Variants in ACSM2A observed in about 807,000 individuals in gnomAD.
The protein encoded by ACSM2A is acyl-coenzyme A synthetase ACSM2A, mitochondrial.
In ACSM2A, 72 loss-of-function variants were observed where a neutral mutation model predicts 76.6. The ratio of observed to expected loss-of-function variants is 0.94; its 90% confidence interval spans 0.78 to 1.14. The LOEUF is 1.14. Among genes scored for constraint, ACSM2A ranks in the 50% most tolerant of loss-of-function variants. ACSM2A has a pLI of 0.00. For missense variants in ACSM2A, 684 were observed against 708.5 expected (o/e 0.97, Z 0.39); for synonymous variants, 249 against 255.9 (o/e 0.97, Z 0.26).
At chr16:20,453,834 C>T (rs374993885) in intron 1 of ACSM2A, 2 of 130,198 alleles carry the variant, frequency 1.5e-5, no homozygotes, top group Admixed American at 7.5e-5. Flanking sequence ...GAGATAAGGA[C>T]TGAAATACGC....
In ACSM2A at chr16:20,467,109, A is replaced by G. The variant is rs572080363; in HGVS notation, c.388+1382A>G. Among the ~76,000 whole-genome samples the G allele has an allele frequency of 6.9e-4, 105 of 152,352 alleles. 1 individual carries two copies. Among genetic ancestry groups the G allele is most frequent in the African/African-American group, 2.5e-3 (102 of 41,570 alleles). On this transcript the variant is annotated intron_variant, in intron 3 of 13. Coordinates refer to ENST00000573854, the MANE Select transcript of ACSM2A (RefSeq NM_001308172.2). ...GCTATGTCAGATTTCCCTCAGTGTC[A>G]TAATTTTTCCAAAGGCAGTTTCAAA...
Position 20,451,616 on chromosome 16 carries a change from G to GTT in ACSM2A, c.-74_-73insTT, listed in dbSNP as rs2011745796. ...CTTCCAAGGCTGTAGGAGTTCTGGA[G>GTT]CTGCTGGCTGGAGAGGAGGGTGGAC... On this transcript the variant is annotated 5_prime_UTR_variant, in exon 1 of 14. Coordinates refer to ENST00000573854, the MANE Select transcript of ACSM2A (RefSeq NM_001308172.2). The GTT allele has an allele frequency of 2.0e-5, 3 of 152,420 alleles. No individual in the cohort carries two copies. In the Admixed American group the frequency reaches 2.0e-4, roughly 10 times the overall value. 9.4% of individuals were successfully genotyped at this position (152,420 alleles called of 1,614,324 possible).
chr16:20,469,753 C>T (rs770825618), intron 4 of ACSM2A, 34 bp downstream of exon 4: 11 of 1,609,928 alleles, frequency 6.8e-6, no homozygotes, highest in Admixed American at 3.3e-5. Context: ...TGGGTTTTAA[C>T]TAAAACTGGA....
chr16:20,455,056 C>A (rs1345951884), intron 1 of ACSM2A, among the ~76,000 whole-genome samples: 2 of 135,774 alleles, frequency 1.5e-5, no homozygotes, highest in East Asian at 5.8e-4. Context: ...AACTTCAGAG[C>A]TTGAAGACAA....
At chr16:20,453,052 T>A (rs2011880695) in intron 1 of ACSM2A, among the ~76,000 whole-genome samples, 1 of 152,002 alleles carries the variant, frequency 6.6e-6, no homozygotes, top group Admixed American at 6.6e-5. Flanking sequence ...ATACTGAGCC[T>A]CAAATCTGCC....
chr16:20,486,492 C>T lies in ACSM2A; in HGVS notation c.1630-82C>T, dbSNP rs185507964. On this transcript the variant is annotated intron_variant, in intron 13 of 13. Coordinates refer to ENST00000573854, the MANE Select transcript of ACSM2A (RefSeq NM_001308172.2). ...AAGTGGCTCCAGCCTGAAGAACTTC[C>T]CCTCACCCTACAGCAGTTCTGAAAA... 6 of 1,496,004 alleles carry T rather than the reference C, an allele frequency of 4.0e-6. No individual in the cohort carries two copies. In the African/African-American group the frequency reaches 6.9e-5, roughly 17 times the overall value. The allele number at this position is 1,496,004 out of a possible 1,614,324, so 92.7% of individuals were successfully genotyped here. A position where few individuals can be genotyped will look rare whatever the true frequency, so the allele number is the denominator to read the frequency against.
rs530261996 is a variant in ACSM2A at position 20,464,811 on chromosome 16, G to A, written c.178-706G>A. ...AGGGGATGACGGGTGATTGTGTAAC[G>A]GGGACAGAGTTTTCATTTTGGATGA... is the stretch of plus-strand genomic sequence containing the variant. On this transcript the variant is annotated intron_variant, in intron 2 of 13. Coordinates refer to ENST00000573854, the MANE Select transcript of ACSM2A (RefSeq NM_001308172.2). Among the ~76,000 whole-genome samples the A allele has an allele frequency of 7.6e-4, 115 of 152,228 alleles. 1 individual carries two copies. The highest frequency in any genetic ancestry group is 2.5e-3 in the African/African-American group (104 of 41,538).
In ACSM2A at chr16:20,481,064, G is replaced by A; in HGVS notation, c.1509+143G>A. ...CCACTTACTAGCTATGTGACCTTGGGCAAGCTACTTGGCCTCTCTGTTTCT... is the reference window on the plus strand; with the variant it reads ...CCACTTACTAGCTATGTGACCTTGGACAAGCTACTTGGCCTCTCTGTTTCT... On this transcript the variant is annotated intron_variant, in intron 12 of 13. Transcript: ENST00000573854. 5 of 1,076,004 alleles carry A rather than the reference G, an allele frequency of 4.6e-6. 1 individual carries two copies. Among genetic ancestry groups the A allele is most frequent in the Middle Eastern group, 3.1e-4 (1 of 3,220 alleles). 66.7% of individuals were successfully genotyped at this position (1,076,004 alleles called of 1,614,324 possible).
intron 4 of ACSM2A, chr16:20,470,671 A>C: frequency 2.6e-6 from 1 of 382,126 alleles, no homozygotes; most frequent in Non-Finnish European, 5.1e-6. Context: ...ACTTGTATTA[A>C]TTCCACCCCT....
rs1299071774 is a variant in ACSM2A, at chr16:20,476,595, A to G, written c.1099-774A>G. Reference sequence around the variant, plus strand: ...CCACCATTCAGAGGAGGACATGTTTAGGATATGCTTACAAGGACACTCAGG... The same window carrying G: ...CCACCATTCAGAGGAGGACATGTTTGGGATATGCTTACAAGGACACTCAGG... On this transcript the variant is annotated intron_variant, in intron 8 of 13. Coordinates refer to ENST00000573854, the MANE Select transcript of ACSM2A (RefSeq NM_001308172.2). 4.1e-6 allele frequency: 4 copies of G among 985,442 alleles called. No individual in the cohort carries two copies. In the African/African-American group the frequency reaches 7.0e-5, roughly 17 times the overall value. 61.0% of individuals were successfully genotyped at this position (985,442 alleles called of 1,614,324 possible). A position where few individuals can be genotyped will look rare whatever the true frequency, so the allele number is the denominator to read the frequency against.
At chr16:20,469,261 A>G (rs1325697794) in intron 3 of ACSM2A, among the ~76,000 whole-genome samples, 1 of 152,208 alleles carries the variant, frequency 6.6e-6, no homozygotes. Flanking sequence ...TAGACTATCA[A>G]CAATGTGACA....
At chr16:20,458,591 A>G (rs1357841281) in intron 1 of ACSM2A, among the ~76,000 whole-genome samples, 1 of 143,786 alleles carries the variant, frequency 7.0e-6, no homozygotes, top group Non-Finnish European at 1.5e-5. Flanking sequence ...TATAGTATAT[A>G]TATTTTTTAT....
chr16:20,463,932 C>T (rs11649333), intron 2 of ACSM2A, among the ~76,000 whole-genome samples: 24,358 of 151,990 alleles, frequency 0.16, 2,455 homozygotes, highest in East Asian at 0.4. Flanking sequence ...ATCTTGAATG[C>T]TCTGTTGCTT....
At chr16:20,453,826 G>C (rs570747172) in intron 1 of ACSM2A, 1 of 129,946 alleles carries the variant, frequency 7.7e-6, no homozygotes, top group East Asian at 3.8e-4. Flanking sequence ...ATGCGGTTGA[G>C]ATAAGGACTG....
At chr16:20,471,794 C>A (rs2013429097) in intron 6 of ACSM2A, 105 bp downstream of exon 6, 1 of 1,535,360 alleles carries the variant, frequency 6.5e-7, no homozygotes, top group South Asian at 1.3e-5. Flanking sequence ...TGCTAAACCC[C>A]TGCCATGTGG....
At chr16:20,455,006 T>A (rs535407271) in intron 1 of ACSM2A, among the ~76,000 whole-genome samples, 5 of 148,992 alleles carry the variant, frequency 3.4e-5, no homozygotes, top group Admixed American at 2.0e-4. Flanking sequence ...AAAAACACAC[T>A]GAAAAGCCTC....
At chr16:20,478,471 C>T in intron 9 of ACSM2A, 105 bp from the exon 10 acceptor site, 1 of 1,369,970 alleles carries the variant, frequency 7.3e-7, no homozygotes, top group Non-Finnish European at 9.9e-7. Context: ...TCAGTCTCCA[C>T]TAGAGCAAGA....
chr16:20,465,205 T>G (rs2012905346), intron 2 of ACSM2A, among the ~76,000 whole-genome samples: 1 of 152,178 alleles, frequency 6.6e-6, no homozygotes, highest in Non-Finnish European at 1.5e-5. Context: ...CTCATTATTT[T>G]TTCATTTTGA....
chr16:20,457,486 C>T (rs11640462), intron 1 of ACSM2A, among the ~76,000 whole-genome samples: 42,378 of 151,906 alleles, frequency 0.28, 6,951 homozygotes, highest in East Asian at 0.59. Flanking sequence ...GGGTTTCATA[C>T]CAGGGATGCA....
Sources: allele counts gnomAD v4.1 joint callset (sites outside exome capture counted in the v4.1 genomes callset), GRCh38; gene constraint gnomAD v4.1.1; transcripts MANE v1.5; gene names NCBI Gene and HGNC (gene_info 2026-07-23, HGNC 2026-07-21).